GAS7: variants seen among roughly 807,000 people sequenced by gnomAD.
GAS7 encodes the protein growth arrest specific 7.
GAS7 carries 28 observed loss-of-function variants against 71.1 expected under a neutral mutation model. The observed-to-expected ratio is 0.39, with a 90% CI of 0.29 to 0.54. The LOEUF (loss-of-function observed/expected upper bound fraction) is 0.54. Ranked by LOEUF, GAS7 falls within the 20% of genes least tolerant of loss-of-function variation. GAS7 has a pLI of 0.62. For synonymous variants in GAS7, 258 were observed against 245.8 expected (o/e 1.05, Z -0.46); for missense variants, 436 against 627.8 (o/e 0.69, Z 3.27).
At chr17:9,923,498 G>A (rs945104898) in intron 11 of GAS7, among the ~76,000 whole-genome samples, 1 of 152,194 alleles carries the variant, frequency 6.6e-6, no homozygotes, top group Non-Finnish European at 1.5e-5. Context: ...GGTCAGTGGG[G>A]AAAGGATATG....
At chr17:9,922,660 A>C (rs915070174) in intron 11 of GAS7, among the ~76,000 whole-genome samples, 1 of 152,236 alleles carries the variant, frequency 6.6e-6, no homozygotes, top group Non-Finnish European at 1.5e-5. Context: ...ACAATGCAAT[A>C]AAACTATGTA....
In GAS7 at chr17:9,917,324, A is replaced by G; in HGVS notation, c.1335T>C (p.Asp445=). ...MFNQSTVEPV[D]QLLRKVDPAK... is the part of the protein sequence containing the mutation. ...CCGGGTCCACTTTTCGAAGCAGCTG[A>G]TCCACGGGCTCGACTGTCTGCAAGA... The change falls in exon 14 of 14, where the codon GAT becomes GAC. Residue 445 remains aspartate, a synonymous_variant. Coordinates refer to ENST00000432992, the MANE Select transcript of GAS7 (RefSeq NM_201433.2). The G allele has an allele frequency of 6.2e-7, 1 of 1,613,670 alleles. No individual in the cohort carries two copies. Among genetic ancestry groups the G allele is most frequent in the Non-Finnish European group, 8.5e-7 (1 of 1,179,496 alleles).
At chr17:9,924,922 A>G (rs943658513) in intron 11 of GAS7, 5 of 152,226 alleles carry the variant, frequency 3.3e-5, no homozygotes, top group African/African-American at 1.2e-4. Context: ...CACTAGGTGG[A>G]AGCAGAAACC....
At chr17:10,137,811 G>A (rs1313770069) in intron 1 of GAS7, among the ~76,000 whole-genome samples, 1 of 152,226 alleles carries the variant, frequency 6.6e-6, no homozygotes, top group South Asian at 2.1e-4. Context: ...AAAGTGCTGG[G>A]ATTACAAGCG....
intron 1 of GAS7, among the ~76,000 whole-genome samples, chr17:10,172,355 A>G (rs1451559466): frequency 6.6e-6 from 1 of 152,186 alleles, no homozygotes; most frequent in Non-Finnish European, 1.5e-5. Context: ...AGGATTCCCC[A>G]GGGGGCAGCC....
At chr17:10,062,756 C>A (rs1017250893) in intron 1 of GAS7, among the ~76,000 whole-genome samples, 4 of 152,218 alleles carry the variant, frequency 2.6e-5, no homozygotes, top group African/African-American at 9.6e-5. Flanking sequence ...CAGGGCTGCT[C>A]ACATCCCTAT....
chr17:9,923,921 A>G (rs1245680385), intron 11 of GAS7, among the ~76,000 whole-genome samples: 1 of 152,244 alleles, frequency 6.6e-6, no homozygotes, highest in Non-Finnish European at 1.5e-5. Flanking sequence ...CAATCATACA[A>G]CTGGACACTG....
chr17:10,009,889 T>A (rs2071700476), intron 2 of GAS7, among the ~76,000 whole-genome samples: 1 of 152,126 alleles, frequency 6.6e-6, no homozygotes, highest in African/African-American at 2.4e-5. Context: ...AAAAGATGCA[T>A]AGGTTTCCCT....
intron 1 of GAS7, among the ~76,000 whole-genome samples, chr17:10,135,919 G>A (rs1177100296): frequency 6.6e-6 from 1 of 152,188 alleles, no homozygotes; most frequent in African/African-American, 2.4e-5. Flanking sequence ...ATTAGGGAGA[G>A]ATGAAGACGA....
intron 1 of GAS7, among the ~76,000 whole-genome samples, chr17:10,114,731 C>T (rs1051866807): frequency 5.8e-5 from 8 of 136,774 alleles, no homozygotes; most frequent in Non-Finnish European, 9.7e-5. Context: ...CACACACACA[C>T]ACTGTGTTGT....
At chr17:10,171,568 G>A (rs1597833836) in intron 1 of GAS7, among the ~76,000 whole-genome samples, 2 of 152,174 alleles carry the variant, frequency 1.3e-5, no homozygotes, top group East Asian at 3.8e-4. Context: ...AGACGCTAGG[G>A]GGAAGAAATC....
At chr17:10,183,008 CTAAT>C (rs2142145083) in intron 1 of GAS7, among the ~76,000 whole-genome samples, 1 of 152,280 alleles carries the variant, frequency 6.6e-6, no homozygotes, top group Non-Finnish European at 1.5e-5. Flanking sequence ...GCCATTAAGA[CTAAT>C]TAGCCCAGCC....
rs1039818361 is a variant in GAS7, at chr17:9,914,202, A to C, written c.*3026T>G. The C allele has an allele frequency of 4.6e-6, 1 of 218,046 alleles. No homozygotes were observed. Among genetic ancestry groups the C allele is most frequent in the Non-Finnish European group, 9.2e-6 (1 of 108,512 alleles). 13.5% of individuals were successfully genotyped at this position (218,046 alleles called of 1,614,324 possible). A position where few individuals can be genotyped will look rare whatever the true frequency, so the allele number is the denominator to read the frequency against. On this transcript the variant is annotated 3_prime_UTR_variant, in exon 14 of 14. Transcript: ENST00000432992. ...TTCATAGCCTCACTGGTTACCCTTG[A>C]GCTTCACTTTCCTATTTGCAAAGAG...
At chr17:10,120,200 G>A (rs954938856) in intron 1 of GAS7, among the ~76,000 whole-genome samples, 1 of 147,168 alleles carries the variant, frequency 6.8e-6, no homozygotes, top group African/African-American at 2.5e-5. Flanking sequence ...CCCAGTAGAA[G>A]ACACAGCTAC....
intron 1 of GAS7, among the ~76,000 whole-genome samples, chr17:10,070,896 T>C (rs949342285): frequency 6.6e-6 from 1 of 151,814 alleles, no homozygotes; most frequent in Non-Finnish European, 1.5e-5. Context: ...AATGTGCTAT[T>C]AGGTTGGTGC....
chr17:9,943,919 G>A, intron 6 of GAS7, among the ~76,000 whole-genome samples: 1 of 152,058 alleles, frequency 6.6e-6, no homozygotes, highest in East Asian at 1.9e-4. Context: ...GTCATTTCAG[G>A]GTAAATGACC....
At chr17:10,044,648 T>C (rs1236185519) in intron 1 of GAS7, among the ~76,000 whole-genome samples, 1 of 152,216 alleles carries the variant, frequency 6.6e-6, no homozygotes, top group African/African-American at 2.4e-5. Context: ...GTCTTCAATT[T>C]TTTTCAAATT....
At chr17:10,126,445 C>T (rs564089485) in intron 1 of GAS7, among the ~76,000 whole-genome samples, 39 of 149,256 alleles carry the variant, frequency 2.6e-4, no homozygotes, top group Admixed American at 6.7e-4. Context: ...TGCACACACG[C>T]GCGCGCGCAC....
intron 1 of GAS7, among the ~76,000 whole-genome samples, chr17:10,049,998 T>C (rs753009322): frequency 2.6e-5 from 4 of 152,324 alleles, no homozygotes; most frequent in East Asian, 1.9e-4. Context: ...GAGAAAAATA[T>C]ACACAACATA....
Sources: allele counts gnomAD v4.1 joint callset (sites outside exome capture counted in the v4.1 genomes callset), GRCh38; gene constraint gnomAD v4.1.1; transcripts MANE v1.5; gene names NCBI Gene and HGNC (gene_info 2026-07-23, HGNC 2026-07-21).